INPP4B: variants seen among roughly 807,000 people sequenced by gnomAD.
INPP4B encodes the protein inositol polyphosphate 4-phosphatase type II.
Under a neutral mutation model 122.5 loss-of-function variants are expected in INPP4B, and 55 were observed. The ratio of observed to expected loss-of-function variants is 0.45; its 90% CI spans 0.36 to 0.56. The LOEUF is 0.56. INPP4B is among the 20% of genes least tolerant of loss of function. The probability of loss-of-function intolerance (pLI) is 0.00; values close to 1 mark genes in which losing one functional copy is unlikely to be tolerated. For missense variants in INPP4B, 1,000 were observed against 1,097.7 expected, an observed-to-expected ratio of 0.91 and a Z score of 1.26; for synonymous variants, 403 against 388.7, an observed-to-expected ratio of 1.04 and a Z score of -0.43.
intron 1 of INPP4B, among the ~76,000 whole-genome samples, chr4:142,797,960 C>G (rs563817245): frequency 6.6e-6 from 1 of 151,584 alleles, no homozygotes; most frequent in East Asian, 1.9e-4. Flanking sequence ...CAGAAGTAAG[C>G]CAGAATAAAG....
intron 1 of INPP4B, among the ~76,000 whole-genome samples, chr4:142,828,710 T>A (rs2151175784): frequency 6.6e-6 from 1 of 152,142 alleles, no homozygotes; most frequent in Middle Eastern, 3.4e-3. Flanking sequence ...CAACCAACAG[T>A]TATTGAACCT....
At chr4:142,094,614 T>C (rs1254585426) in intron 23 of INPP4B, among the ~76,000 whole-genome samples, 1 of 152,160 alleles carries the variant, frequency 6.6e-6, no homozygotes, top group Non-Finnish European at 1.5e-5. Flanking sequence ...GGCAGACACA[T>C]AACCAGCCCT....
At chr4:142,371,467 A>C (rs1789885061) in intron 7 of INPP4B, among the ~76,000 whole-genome samples, 1 of 152,142 alleles carries the variant, frequency 6.6e-6, no homozygotes, top group Admixed American at 6.6e-5. Flanking sequence ...CAAAGGAAAT[A>C]ATAAACAGAT....
chr4:142,661,721 G>C (rs1027554492), intron 2 of INPP4B, among the ~76,000 whole-genome samples: 21 of 152,136 alleles, frequency 1.4e-4, no homozygotes, highest in African/African-American at 5.1e-4. Flanking sequence ...TTCAGATATA[G>C]TGCACTACAG....
chr4:142,549,947 C>T (rs1027551692), intron 2 of INPP4B, among the ~76,000 whole-genome samples: 1 of 152,108 alleles, frequency 6.6e-6, no homozygotes, highest in East Asian at 1.9e-4. Flanking sequence ...AAGGCAATAG[C>T]CTCGTGTATT....
At chr4:142,390,917 A>G in intron 7 of INPP4B, among the ~76,000 whole-genome samples, 1 of 152,156 alleles carries the variant, frequency 6.6e-6, no homozygotes, top group East Asian at 1.9e-4. Flanking sequence ...GGTTCATGAA[A>G]GAATGGAAAG....
At chr4:142,651,806 G>C (rs1753023005) in intron 2 of INPP4B, among the ~76,000 whole-genome samples, 1 of 152,130 alleles carries the variant, frequency 6.6e-6, no homozygotes, top group African/African-American at 2.4e-5. Flanking sequence ...TAGAGGAGCT[G>C]GTACCATTCC....
At chr4:142,223,072 C>T (rs980788010) in intron 12 of INPP4B, among the ~76,000 whole-genome samples, 1 of 152,004 alleles carries the variant, frequency 6.6e-6, no homozygotes, top group Non-Finnish European at 1.5e-5. Flanking sequence ...AGTCTCTTTT[C>T]TACAGCTGAG....
intron 11 of INPP4B, among the ~76,000 whole-genome samples, chr4:142,259,784 T>G (rs1300485774): frequency 1.3e-5 from 2 of 152,086 alleles, no homozygotes; most frequent in African/African-American, 4.8e-5. Flanking sequence ...TTTTAAATTT[T>G]CTTTTTTTTT....
intron 1 of INPP4B, among the ~76,000 whole-genome samples, chr4:142,758,527 G>T (rs1327404386): frequency 6.6e-6 from 1 of 152,054 alleles, no homozygotes; most frequent in East Asian, 1.9e-4. Flanking sequence ...GTTGTAAAAG[G>T]GACACTTGCC....
chr4:142,830,290 T>C (rs1251892121), intron 1 of INPP4B, among the ~76,000 whole-genome samples: 2 of 152,184 alleles, frequency 1.3e-5, no homozygotes, highest in Non-Finnish European at 2.9e-5. Flanking sequence ...CAATTTAATA[T>C]TGCCAAGTGG....
chr4:142,387,418 C>A (rs1192477689), intron 7 of INPP4B, among the ~76,000 whole-genome samples: 1 of 150,900 alleles, frequency 6.6e-6, no homozygotes, highest in Non-Finnish European at 1.5e-5. Flanking sequence ...AGGGTAAAAT[C>A]TTGCTAAAGA....
In INPP4B at chr4:142,260,509, A is replaced by G; in HGVS notation, c.671T>C (p.Leu224Ser). Reference protein sequence around the residue: ...APESVSGKDNLPFLNSVLKNP... With the variant: ...APESVSGKDNSPFLNSVLKNP... ...TTACATACCTGAATTCAAAAAAGGT[A>G]AGTTATCTTTTCCGCTCACACTTTC... The change falls in exon 11 of 26, where the codon TTA becomes TCA. Residue 224 changes from leucine to serine, a missense_variant. Physicochemically the swap from Leu to Ser is moderately radical, Grantham distance 145. Coordinates refer to ENST00000262992, the MANE Select transcript of INPP4B (RefSeq NM_001101669.3). 1.2e-6 allele frequency: 2 copies of G among 1,605,504 alleles called. No homozygotes were observed. Among genetic ancestry groups the G allele is most frequent in the Non-Finnish European group, 1.7e-6 (2 of 1,172,860 alleles).
intron 25 of INPP4B, among the ~76,000 whole-genome samples, chr4:142,061,680 C>T (rs1360655589): frequency 2.0e-5 from 3 of 151,340 alleles, no homozygotes; most frequent in Non-Finnish European, 4.4e-5. Flanking sequence ...GGAGTCACAA[C>T]GATTGGGTCA....
At chr4:142,244,287 C>CTTTTTTTTTTTTT (rs56945961) in intron 11 of INPP4B, among the ~76,000 whole-genome samples, 3 of 73,750 alleles carry the variant, frequency 4.1e-5, no homozygotes, top group African/African-American at 1.7e-4. Flanking sequence ...GTATATGTGC[C>CTTTTTTTTTTTTT]TTTTTTTTTT....
chr4:142,684,852 T>A (rs562415035), intron 2 of INPP4B, among the ~76,000 whole-genome samples: 6 of 151,944 alleles, frequency 3.9e-5, no homozygotes, highest in Non-Finnish European at 7.4e-5. Context: ...GGCAAAATTA[T>A]AATTGGACAA....
At chr4:142,253,155 T>G (rs1733328135) in intron 11 of INPP4B, among the ~76,000 whole-genome samples, 1 of 152,150 alleles carries the variant, frequency 6.6e-6, no homozygotes. Context: ...ATGGTACACC[T>G]GTAAAGGGCA....
intron 25 of INPP4B, among the ~76,000 whole-genome samples, chr4:142,063,243 C>A (rs1761921732): frequency 6.6e-6 from 1 of 152,142 alleles, no homozygotes; most frequent in Non-Finnish European, 1.5e-5. Context: ...ACATGATCTG[C>A]CTGAACAGAA....
At chr4:142,319,748 C>CA (rs1396859840) in intron 7 of INPP4B, among the ~76,000 whole-genome samples, 1 of 152,174 alleles carries the variant, frequency 6.6e-6, no homozygotes, top group Non-Finnish European at 1.5e-5. Context: ...ACCGGAGTCC[C>CA]AAAATTACCA....
Sources: gnomAD v4.1 joint callset for allele counts (sites outside exome capture counted in the v4.1 genomes callset) on GRCh38, gnomAD v4.1.1 for gene constraint, MANE v1.5 for transcripts, NCBI Gene and HGNC (gene_info 2026-07-23, HGNC 2026-07-21) for gene names.